The following SFSWAP variants were observed in gnomAD, a reference collection of about 807,000 sequenced individuals.
SFSWAP encodes the protein splicing factor, suppressor of white-apricot homolog.
Under a neutral mutation model 100.7 loss-of-function variants are expected in SFSWAP, and 17 were observed. The ratio of observed to expected loss-of-function variants is 0.17; its 90% CI spans 0.12 to 0.25. The LOEUF is 0.25. Ranked by LOEUF, SFSWAP falls within the 10% of genes least tolerant of loss-of-function variation. The pLI, the probability that SFSWAP is intolerant of heterozygous loss-of-function variation, is 1.00. For missense variants in SFSWAP, 1,005 were observed against 1,262.6 expected, an observed-to-expected ratio of 0.80 and a Z score of 3.09; for synonymous variants, 504 against 510.1, an observed-to-expected ratio of 0.99 and a Z score of 0.16.
At chr12:131,796,249 C>G (rs1381642419) in intron 15 of SFSWAP, 1 of 152,306 alleles carries the variant, frequency 6.6e-6, no homozygotes, top group Non-Finnish European at 1.5e-5. Flanking sequence ...GCCTGTCTGC[C>G]TTTACCAAGT....
chr12:131,783,813 T>TATAA (rs1555251697), intron 14 of SFSWAP: 1 of 135,058 alleles, frequency 7.4e-6, no homozygotes, highest in African/African-American at 2.6e-5. Flanking sequence ...TATATATATA[T>TATAA]ATATATATAA....
chr12:131,738,627 G>A (rs1364965643), intron 7 of SFSWAP, among the ~76,000 whole-genome samples: 4 of 152,064 alleles, frequency 2.6e-5, no homozygotes, highest in Non-Finnish European at 4.4e-5. Flanking sequence ...ACATTGAGAG[G>A]TTGTCATTGT....
intron 1 of SFSWAP, 93 bp from the exon 2 acceptor site, chr12:131,713,978 G>A (rs1877645463): frequency 6.5e-6 from 5 of 769,238 alleles, no homozygotes; most frequent in Non-Finnish European, 1.0e-5. Context: ...GTAAGTATGT[G>A]TGTGTATATA....
In SFSWAP at chr12:131,711,564, G is replaced by A; in HGVS notation, c.218+117G>A. 2 of 840,938 alleles carry A rather than the reference G, an allele frequency of 2.4e-6. No homozygotes were observed. The highest frequency in any genetic ancestry group is 3.2e-5 in the South Asian group (2 of 61,968). 52.1% of individuals were successfully genotyped at this position (840,938 alleles called of 1,614,324 possible). A position where few individuals can be genotyped will look rare whatever the true frequency, so the allele number is the denominator to read the frequency against. ...TTTCTGGAGCCAGCGGGGATCTGGGGGACACCCCCTCCCCTGTCCCCACCT... is the reference window on the plus strand; with the variant it reads ...TTTCTGGAGCCAGCGGGGATCTGGGAGACACCCCCTCCCCTGTCCCCACCT... On this transcript the variant is annotated intron_variant, in intron 1 of 17. Coordinates refer to ENST00000261674, the MANE Select transcript of SFSWAP (RefSeq NM_004592.4). The surrounding 1 kb of genome is among the most constrained non-coding windows in gnomAD (Gnocchi z 4.9).
At chr12:131,744,725 G>A (rs560570592) in intron 7 of SFSWAP, among the ~76,000 whole-genome samples, 1 of 152,272 alleles carries the variant, frequency 6.6e-6, no homozygotes, top group South Asian at 2.1e-4. Context: ...CAAATTACTG[G>A]ATTAGTCCAT....
At position 131,778,706 on chromosome 12, in the gene SFSWAP, C is replaced by T. The variant is rs1884223697; in HGVS notation, c.2408+376C>T. Among the ~76,000 whole-genome samples the T allele has an allele frequency of 6.6e-6, 1 of 152,004 alleles. No individual in the cohort carries two copies. The highest frequency in any genetic ancestry group is 1.5e-5 in the Non-Finnish European group (1 of 67,996). ...CTAATTTTTGTATTTTTAGTAGAGA[C>T]GGGGTTTCACCGTGTCGGCCAGGCT... On this transcript the variant is annotated intron_variant, in intron 14 of 17. Transcript: ENST00000261674. This position sits in a 1 kb window ranked among gnomAD's most constrained non-coding sequence, Gnocchi z 4.2.
chr12:131,726,588 A>G (rs144963226), intron 5 of SFSWAP, among the ~76,000 whole-genome samples: 1 of 152,206 alleles, frequency 6.6e-6, no homozygotes, highest in Admixed American at 6.5e-5. Flanking sequence ...TCTCATCTTC[A>G]GTTTTGTTGT....
chr12:131,751,819 A>G (rs1881676168), intron 7 of SFSWAP, among the ~76,000 whole-genome samples: 3 of 152,214 alleles, frequency 2.0e-5, no homozygotes, highest in Non-Finnish European at 4.4e-5. Flanking sequence ...ATTGACATCC[A>G]AGGGTCTCAT....
chr12:131,735,358 A>G (rs1346886024), intron 7 of SFSWAP, among the ~76,000 whole-genome samples: 1 of 152,094 alleles, frequency 6.6e-6, no homozygotes, highest in African/African-American at 2.4e-5. Context: ...CAGTTTTCCC[A>G]TTTGTACCAT....
chr12:131,751,062 T>C (rs1323019683), intron 7 of SFSWAP, among the ~76,000 whole-genome samples: 2 of 152,188 alleles, frequency 1.3e-5, no homozygotes, highest in Non-Finnish European at 2.9e-5. Context: ...GCTATTTTTT[T>C]TAACACTTCG....
chr12:131,713,852 T>C (rs1877628516), intron 1 of SFSWAP: 1 of 353,924 alleles, frequency 2.8e-6, no homozygotes, highest in Non-Finnish European at 5.0e-6. Flanking sequence ...GAAAGGAATT[T>C]AGAGTTTGTT....
At chr12:131,747,767 G>A (rs1000220168) in intron 7 of SFSWAP, among the ~76,000 whole-genome samples, 1 of 152,234 alleles carries the variant, frequency 6.6e-6, no homozygotes, top group South Asian at 2.1e-4. Context: ...GGAGAAATCA[G>A]GGGCTCTGTT....
rs779899881 is a variant in SFSWAP at position 131,778,722 on chromosome 12, C to T, written c.2408+392C>T. Reference sequence around the variant, plus strand: ...TAGTAGAGACGGGGTTTCACCGTGTCGGCCAGGCTGGTCTTAAACTCCTGA... The same window carrying T: ...TAGTAGAGACGGGGTTTCACCGTGTTGGCCAGGCTGGTCTTAAACTCCTGA... On this transcript the variant is annotated intron_variant, in intron 14 of 17. Coordinates refer to ENST00000261674, the MANE Select transcript of SFSWAP (RefSeq NM_004592.4). The surrounding 1 kb of genome is among the most constrained non-coding windows in gnomAD (Gnocchi z 4.2). 6.6e-5 allele frequency among the ~76,000 whole-genome samples: 10 copies of T among 152,060 alleles called. No homozygotes were observed. Among genetic ancestry groups the T allele is most frequent in the South Asian group, 2.1e-4 (1 of 4,808 alleles).
At chr12:131,799,302 G>A (rs1885904218) in intron 17 of SFSWAP, 121 bp from the exon 18 acceptor site, 19 of 1,152,682 alleles carry the variant, frequency 1.6e-5, no homozygotes, top group South Asian at 2.5e-5. Flanking sequence ...AGGCTCCTCC[G>A]CCGCCCCCAC....
chr12:131,724,117 G>GT (rs1362111767), intron 4 of SFSWAP, among the ~76,000 whole-genome samples: 2 of 152,076 alleles, frequency 1.3e-5, no homozygotes, highest in Admixed American at 1.3e-4. Flanking sequence ...AAGATGCTTT[G>GT]TTTTTTTGTA....
chr12:131,766,056 T>G, intron 12 of SFSWAP, 62 bp from the exon 13 acceptor site: 1 of 1,510,100 alleles, frequency 6.6e-7, no homozygotes, highest in Non-Finnish European at 8.9e-7. Flanking sequence ...CCTGTGAAAA[T>G]TAAGATCAGA....
intron 11 of SFSWAP, among the ~76,000 whole-genome samples, chr12:131,762,155 C>T (rs1377290878): frequency 6.6e-6 from 1 of 152,082 alleles, no homozygotes; most frequent in Non-Finnish European, 1.5e-5. Context: ...ATCGCTTGAA[C>T]CTGGGAGGCA....
In SFSWAP at chr12:131,799,122, G is replaced by A. The variant is rs1566067526; in HGVS notation, c.2790+13G>A. 4 of 1,604,962 alleles carry A rather than the reference G, an allele frequency of 2.5e-6. No individual in the cohort carries two copies. Among genetic ancestry groups the A allele is most frequent in the African/African-American group, 2.7e-5 (2 of 74,702 alleles). On this transcript the variant is annotated intron_variant, in intron 17 of 17. Coordinates refer to ENST00000261674, the MANE Select transcript of SFSWAP (RefSeq NM_004592.4). ...CAAAATCACTCAGGTCAGTGGGCACGCCCCCCTCCCGCTCCCAGCCTTTCA... is the reference window on the plus strand; with the variant it reads ...CAAAATCACTCAGGTCAGTGGGCACACCCCCCTCCCGCTCCCAGCCTTTCA...
chr12:131,747,720 A>G (rs1039296102), intron 7 of SFSWAP, among the ~76,000 whole-genome samples: 1 of 152,098 alleles, frequency 6.6e-6, no homozygotes, highest in Non-Finnish European at 1.5e-5. Flanking sequence ...GGGTGTGGCC[A>G]CCTCCTGCAT....
Sources: allele counts gnomAD v4.1 joint callset (sites outside exome capture counted in the v4.1 genomes callset), GRCh38; gene constraint gnomAD v4.1.1; non-coding constraint Gnocchi (gnomAD v3.1); transcripts MANE v1.5; gene names NCBI Gene and HGNC (gene_info 2026-07-23, HGNC 2026-07-21).